The following CD2 variants were observed in gnomAD, a reference collection of about 807,000 sequenced individuals.
The protein encoded by CD2 is CD2 molecule.
CD2 carries 18 observed loss-of-function variants against 23.2 expected under a neutral mutation model. That is an observed-to-expected ratio of 0.77 (90% confidence interval 0.54 to 1.15). CD2 has a LOEUF of 1.15. Ranked by LOEUF, CD2 falls within the 50% of genes most tolerant of loss-of-function variation. CD2 has a pLI of 0.00. For synonymous variants in CD2, 162 were observed against 151.9 expected, an observed-to-expected ratio of 1.07 and a Z score of -0.49; for missense variants, 424 against 423.1, an observed-to-expected ratio of 1.00 and a Z score of -0.02.
At chr1:116,761,505 A>G (rs1310309850) in intron 3 of CD2, among the ~76,000 whole-genome samples, 2 of 152,222 alleles carry the variant, frequency 1.3e-5, no homozygotes, top group Non-Finnish European at 2.9e-5. Context: ...TATGGCAGCT[A>G]GCTTCCCTCA....
chr1:116,761,142 A>G (rs1652038978), intron 3 of CD2, among the ~76,000 whole-genome samples: 1 of 152,174 alleles, frequency 6.6e-6, no homozygotes, highest in African/African-American at 2.4e-5. Flanking sequence ...CAGCAAGGCA[A>G]CACTCCTGGC....
At chr1:116,766,921 C>G (rs1484726841) in intron 4 of CD2, among the ~76,000 whole-genome samples, 2 of 152,000 alleles carry the variant, frequency 1.3e-5, no homozygotes, top group Non-Finnish European at 2.9e-5. Context: ...AAACCAATGG[C>G]CAGTGCAAGC....
Position 116,764,510 on chromosome 1 carries a change from A to G in CD2, c.640A>G (p.Ile214Val), listed in dbSNP as rs779944482. The G allele has an allele frequency of 1.5e-5, 24 of 1,613,968 alleles. No homozygotes were observed. Among genetic ancestry groups the G allele is most frequent in the Non-Finnish European group, 1.9e-5 (23 of 1,179,960 alleles). ...GAAAGGTCTGGACATCTATCTCATCATTGGCATATGTGGAGGAGGCAGCCT... is the reference window on the plus strand; with the variant it reads ...GAAAGGTCTGGACATCTATCTCATCGTTGGCATATGTGGAGGAGGCAGCCT... Reference protein sequence around the residue: ...PEKGLDIYLIIGICGGGSLLM... With the variant: ...PEKGLDIYLIVGICGGGSLLM... Residue 214 changes from isoleucine (I) to valine (V), a missense_variant, in exon 4 of 5, where the codon ATT becomes GTT. Physicochemically the swap from Ile to Val is conservative, Grantham distance 29. Coordinates refer to ENST00000369478, the MANE Select transcript of CD2 (RefSeq NM_001767.5).
Position 116,760,636 on chromosome 1 carries a change from C to T in CD2, c.613+4C>T, listed in dbSNP as rs751251458. 47 of 1,611,290 alleles carry T rather than the reference C, an allele frequency of 2.9e-5. No individual in the cohort carries two copies. Among genetic ancestry groups the T allele is most frequent in the Middle Eastern group, 1.6e-4 (1 of 6,078 alleles). On this transcript the variant is annotated splice_donor_region_variant and intron_variant, in intron 3 of 4. Transcript: ENST00000369478. ...GTCGAGCCTGTCAGCTGTCCAGGTG[C>T]GTGGCGGGCATCACTTCACAAACAC...
chr1:116,758,802 A>G (rs1385319607), intron 2 of CD2, among the ~76,000 whole-genome samples: 2 of 152,124 alleles, frequency 1.3e-5, no homozygotes, highest in African/African-American at 2.4e-5. Context: ...AGCGCCCAAC[A>G]ATACTGAGAC....
At chr1:116,760,755 G>A (rs1286726488) in intron 3 of CD2, 123 bp downstream of exon 3, 2 of 717,682 alleles carry the variant, frequency 2.8e-6, no homozygotes, top group Non-Finnish European at 4.9e-6. Context: ...AGGCATGAAA[G>A]CATATCTCTT....
At chr1:116,762,969 A>C (rs1337512059) in intron 3 of CD2, among the ~76,000 whole-genome samples, 1 of 152,206 alleles carries the variant, frequency 6.6e-6, no homozygotes, top group African/African-American at 2.4e-5. Flanking sequence ...TGACTTAGCC[A>C]TGTGCTCCCC....
rs146682019 is a variant in CD2 at position 116,767,417 on chromosome 1, C to T, written c.737-1047C>T. On this transcript the variant is annotated intron_variant, in intron 4 of 4. Transcript: ENST00000369478. The stretch of plus-strand genomic sequence containing the variant: ...GACCAGCCTGACCAACATGGAGAAA[C>T]GCCATCTCTACTAAAAATACAATAT... Among the ~76,000 whole-genome samples the T allele has an allele frequency of 3.0e-4, 45 of 152,086 alleles. No homozygotes were observed. In the East Asian group the frequency reaches 6.8e-3, roughly 23 times the overall value.
chr1:116,760,689 G>A (rs749605209), intron 3 of CD2, 57 bp downstream of exon 3: 103 of 1,357,986 alleles, frequency 7.6e-5, no homozygotes, highest in Non-Finnish European at 1.1e-4. Context: ...GTAGGCAGAG[G>A]CATGCTGCTC....
intron 3 of CD2, among the ~76,000 whole-genome samples, chr1:116,764,205 C>T (rs144700521): frequency 1.1e-3 from 174 of 152,190 alleles, no homozygotes; most frequent in African/African-American, 3.8e-3. Flanking sequence ...CTTTCCATGA[C>T]GGGGGCAGTG....
chr1:116,762,946 G>A (rs1330922155), intron 3 of CD2, among the ~76,000 whole-genome samples: 1 of 152,192 alleles, frequency 6.6e-6, no homozygotes, highest in African/African-American at 2.4e-5. Context: ...GGAAGATGGA[G>A]CTGGTGGCTG....
chr1:116,758,880 G>T lies in CD2; in HGVS notation c.383-1522G>T, dbSNP rs1234389014. Reference sequence around the variant, plus strand: ...CCTAGTCAGAAGCAGCTTGTCCAAGGTCTCATTGCTTGACAGGAGCAAAGT... The same window carrying T: ...CCTAGTCAGAAGCAGCTTGTCCAAGTTCTCATTGCTTGACAGGAGCAAAGT... On this transcript the variant is annotated intron_variant, in intron 2 of 4. Coordinates refer to ENST00000369478, the MANE Select transcript of CD2 (RefSeq NM_001767.5). 3.3e-5 allele frequency among the ~76,000 whole-genome samples: 5 copies of T among 152,288 alleles called. No individual in the cohort carries two copies. In the East Asian group the frequency reaches 7.7e-4, roughly 24 times the overall value.
At chr1:116,755,101 A>G (rs988326150) in intron 2 of CD2, 150 bp downstream of exon 2, 1 of 627,210 alleles carries the variant, frequency 1.6e-6, no homozygotes, top group Non-Finnish European at 2.8e-6. Context: ...CCCAGTGGAG[A>G]CTGTGGTCCA....
chr1:116,768,491 G>A lies in CD2; in HGVS notation c.764G>A (p.Arg255Lys). Reference protein sequence around the residue: ...NDEELETRAHRVATEERGRKP... With the variant: ...NDEELETRAHKVATEERGRKP... ...GAGGAGCTGGAGACAAGAGCCCACA[G>A]AGTAGCTACTGAAGAAAGGGGCCGG... The change falls in exon 5 of 5, where the codon AGA becomes AAA. Residue 255 changes from arginine (R) to lysine (K), a missense_variant. Physicochemically the swap from Arg to Lys is conservative, Grantham distance 26. Transcript: ENST00000369478. 6.2e-7 allele frequency: 1 copy of A among 1,614,142 alleles called. No homozygotes were observed. Among genetic ancestry groups the A allele is most frequent in the Non-Finnish European group, 8.5e-7 (1 of 1,180,012 alleles).
At chr1:116,760,234 A>G (rs1652000893) in intron 2 of CD2, among the ~76,000 whole-genome samples, 168 bp from the exon 3 acceptor site, 1 of 152,208 alleles carries the variant, frequency 6.6e-6, no homozygotes, top group South Asian at 2.1e-4. Flanking sequence ...TTTTTTTCTG[A>G]ATGCTCTTTG....
intron 2 of CD2, among the ~76,000 whole-genome samples, chr1:116,756,950 T>C (rs900366984): frequency 6.6e-6 from 1 of 151,782 alleles, no homozygotes; most frequent in African/African-American, 2.4e-5. Context: ...GTTTTCTCAG[T>C]GCTAATGCCC....
At chr1:116,763,063 C>G (rs933477432) in intron 3 of CD2, among the ~76,000 whole-genome samples, 2 of 152,230 alleles carry the variant, frequency 1.3e-5, no homozygotes, top group African/African-American at 4.8e-5. Flanking sequence ...TCTGGTATCT[C>G]CTGCCCCTCG....
intron 4 of CD2, among the ~76,000 whole-genome samples, chr1:116,767,409 T>C (rs1652247780): frequency 6.6e-6 from 1 of 151,962 alleles, no homozygotes; most frequent in African/African-American, 2.4e-5. Context: ...CTGACCAACA[T>C]GGAGAAACGC....
Position 116,754,550 on chromosome 1 carries a change from A to G in CD2, c.58A>G (p.Lys20Glu), listed in dbSNP as rs1349995035. 1.9e-6 allele frequency: 3 copies of G among 1,613,916 alleles called. No individual in the cohort carries two copies. In the African/African-American group the frequency reaches 4.0e-5, roughly 22 times the overall value. Residue 20 changes from lysine to glutamate, a missense_variant, in exon 1 of 5, where the codon AAA becomes GAA. Coordinates refer to ENST00000369478, the MANE Select transcript of CD2 (RefSeq NM_001767.5). ...CCTTCTGATTTTCAATGTTTCTTCC[A>G]AAGGTAAGCATAAGAGTCAAAGAAG... ...SFLLIFNVSS[K>E]GAVSKEITNA...
Sources: allele counts gnomAD v4.1 joint callset (sites outside exome capture counted in the v4.1 genomes callset), GRCh38; gene constraint gnomAD v4.1.1; transcripts MANE v1.5; gene names NCBI Gene and HGNC (gene_info 2026-07-23, HGNC 2026-07-21).